Variants in OXR1 observed in about 807,000 individuals in gnomAD.
The protein encoded by OXR1 is oxidation resistance 1.
Under a neutral mutation model 104.6 loss-of-function variants are expected in OXR1, and 41 were observed. The ratio of observed to expected loss-of-function variants is 0.39; its 90% CI spans 0.31 to 0.51. OXR1 has a LOEUF of 0.51. OXR1 is among the 20% of genes least tolerant of loss of function. The pLI is 0.77. For missense variants in OXR1, 955 were observed against 1,031.9 expected, an observed-to-expected ratio of 0.93 and a Z score of 1.02; for synonymous variants, 348 against 348.4, an observed-to-expected ratio of 1.00 and a Z score of 0.01.
chr8:106,473,682 AT>A (rs1219539332), intron 2 of OXR1, among the ~76,000 whole-genome samples: 1 of 151,786 alleles, frequency 6.6e-6, no homozygotes, highest in African/African-American at 2.4e-5. Context: ...ACCGTGAATA[AT>A]TTCTAGTGGA....
chr8:106,397,696 A>G (rs1817836265), intron 2 of OXR1, among the ~76,000 whole-genome samples: 1 of 152,044 alleles, frequency 6.6e-6, no homozygotes, highest in Non-Finnish European at 1.5e-5. Context: ...TTTTTTCCCC[A>G]TAAATCAACA....
intron 2 of OXR1, among the ~76,000 whole-genome samples, chr8:106,450,482 A>G (rs1404302600): frequency 2.6e-5 from 4 of 152,194 alleles, no homozygotes; most frequent in Non-Finnish European, 5.9e-5. Context: ...TTTGAAAAGG[A>G]AAAGCAAAAG....
At chr8:106,487,772 A>G (rs1435859121) in intron 2 of OXR1, among the ~76,000 whole-genome samples, 1 of 151,624 alleles carries the variant, frequency 6.6e-6, no homozygotes, top group Non-Finnish European at 1.5e-5. Context: ...TTCTGGCTGC[A>G]TAGTATTCCA....
chr8:106,737,645 C>A, intron 12 of OXR1, 45 bp downstream of exon 12: 1 of 715,686 alleles, frequency 1.4e-6, no homozygotes, highest in Non-Finnish European at 2.0e-6. Context: ...CTAAATACTC[C>A]CTGTTTTTAG....
At chr8:106,581,129 T>G in intron 3 of OXR1, 1 of 1,261,816 alleles carries the variant, frequency 7.9e-7, no homozygotes, top group Admixed American at 2.8e-5. Context: ...ACTTAAAGAT[T>G]TAGAATTTTG....
At chr8:106,434,775 C>T (rs1819504480) in intron 2 of OXR1, among the ~76,000 whole-genome samples, 1 of 152,086 alleles carries the variant, frequency 6.6e-6, no homozygotes, top group Non-Finnish European at 1.5e-5. Flanking sequence ...AAATACAATC[C>T]ATTAATTCAG....
At chr8:106,304,255 C>T (rs1489111877) in intron 1 of OXR1, among the ~76,000 whole-genome samples, 1 of 152,068 alleles carries the variant, frequency 6.6e-6, no homozygotes, top group Non-Finnish European at 1.5e-5. Flanking sequence ...TGCTTGAAGA[C>T]ATATTTTCTT....
chr8:106,478,072 C>T (rs543364618), intron 2 of OXR1, among the ~76,000 whole-genome samples: 1 of 151,776 alleles, frequency 6.6e-6, no homozygotes, highest in Non-Finnish European at 1.5e-5. Context: ...AATATTTATT[C>T]CTACATTTAA....
chr8:106,697,492 A>T, intron 7 of OXR1: 3 of 1,608,694 alleles, frequency 1.9e-6, no homozygotes, highest in Non-Finnish European at 2.6e-6. Context: ...CTGTAGCCCG[A>T]TCACGTTCTT....
At chr8:106,336,996 A>G (rs1282436002) in intron 1 of OXR1, among the ~76,000 whole-genome samples, 1 of 152,248 alleles carries the variant, frequency 6.6e-6, no homozygotes, top group Admixed American at 6.5e-5. Flanking sequence ...TATATTTTGC[A>G]AATATAAATG....
At chr8:106,440,314 G>A (rs1230687585) in intron 2 of OXR1, among the ~76,000 whole-genome samples, 1 of 152,044 alleles carries the variant, frequency 6.6e-6, no homozygotes, top group Admixed American at 6.6e-5. Flanking sequence ...GCTGCCATAT[G>A]GACGACTGCA....
chr8:106,342,173 C>A (rs1466345400), intron 1 of OXR1, among the ~76,000 whole-genome samples: 1 of 151,922 alleles, frequency 6.6e-6, no homozygotes, highest in African/African-American at 2.4e-5. Flanking sequence ...CTGAACCTGA[C>A]CCCGTCTATA....
At chr8:106,563,839 C>G (rs1816869852) in intron 3 of OXR1, among the ~76,000 whole-genome samples, 2 of 152,160 alleles carry the variant, frequency 1.3e-5, no homozygotes, top group Admixed American at 1.3e-4. Flanking sequence ...GAAACTCATT[C>G]AAAACCACAC....
intron 1 of OXR1, among the ~76,000 whole-genome samples, chr8:106,284,797 C>T (rs1812424863): frequency 7.0e-6 from 1 of 142,864 alleles, no homozygotes; most frequent in Admixed American, 6.9e-5. Flanking sequence ...TTAACATTAA[C>T]CTCAATCTTT....
intron 1 of OXR1, among the ~76,000 whole-genome samples, chr8:106,339,520 ATATATATATATATAT>A (rs1438524493): frequency 2.4e-3 from 20 of 8,236 alleles, no homozygotes; most frequent in African/African-American, 7.2e-3. Context: ...AAAAAAAAAA[ATATATATATATATAT>A]ATATATATAT....
chr8:106,324,689 T>C (rs1433887012), intron 1 of OXR1, among the ~76,000 whole-genome samples: 1 of 152,150 alleles, frequency 6.6e-6, no homozygotes, highest in Non-Finnish European at 1.5e-5. Context: ...CTGCGGATGC[T>C]GAGCCCCCAT....
At chr8:106,455,683 A>T (rs541376697) in intron 2 of OXR1, among the ~76,000 whole-genome samples, 1 of 152,338 alleles carries the variant, frequency 6.6e-6, no homozygotes, top group East Asian at 1.9e-4. Flanking sequence ...GTCACCTGGC[A>T]TACTGGGCAG....
At chr8:106,534,406 G>T (rs1466882073) in intron 3 of OXR1, among the ~76,000 whole-genome samples, 4 of 152,152 alleles carry the variant, frequency 2.6e-5, no homozygotes, top group Admixed American at 6.5e-5. Flanking sequence ...AACCTTTAGA[G>T]TAAGAAAAAG....
intron 7 of OXR1, chr8:106,697,985 G>T: frequency 6.2e-7 from 1 of 1,613,024 alleles, no homozygotes. Flanking sequence ...TCCTGGCTCA[G>T]GCCATAATGC....
Sources: allele counts gnomAD v4.1 joint callset (sites outside exome capture counted in the v4.1 genomes callset), GRCh38; gene constraint gnomAD v4.1.1; transcripts MANE v1.5; gene names NCBI Gene and HGNC (gene_info 2026-07-23, HGNC 2026-07-21).